The following CHD7 variants were observed in gnomAD, a reference collection of about 807,000 sequenced individuals.
The protein encoded by CHD7 is ATP-dependent chromatin remodeler CHD7.
Under a neutral mutation model 307.3 loss-of-function variants are expected in CHD7, and 24 were observed. That is an observed-to-expected ratio of 0.08 (90% CI 0.06 to 0.11). CHD7 has a LOEUF of 0.11. Among genes scored for constraint, CHD7 ranks in the 10% least tolerant of loss-of-function variants. The pLI, the probability that CHD7 is intolerant of heterozygous loss-of-function variation, is 1.00. For synonymous variants in CHD7, 1,363 were observed against 1,349.9 expected (o/e 1.01, Z -0.21); for missense variants, 3,106 against 3,727.1 (o/e 0.83, Z 4.34).
intron 1 of CHD7, among the ~76,000 whole-genome samples, chr8:60,735,872 C>T (rs986421746): frequency 3.3e-5 from 5 of 152,242 alleles, no homozygotes; most frequent in Non-Finnish European, 7.3e-5. Flanking sequence ...CCACCAACCA[C>T]ATGTGGCTTT....
chr8:60,818,141 G>A (rs1032966909), intron 8 of CHD7, among the ~76,000 whole-genome samples: 6 of 152,116 alleles, frequency 3.9e-5, no homozygotes, highest in Admixed American at 1.3e-4. Context: ...AAGTGCACAC[G>A]CCCCCGTTTG....
chr8:60,728,884 A>G (rs546653803), intron 1 of CHD7, among the ~76,000 whole-genome samples: 77 of 152,308 alleles, frequency 5.1e-4, no homozygotes, highest in African/African-American at 1.8e-3. Context: ...CTTATGTTAT[A>G]GGGGTTTGTT....
chr8:60,830,952 G>C (rs1434712150), intron 15 of CHD7, among the ~76,000 whole-genome samples: 6 of 152,158 alleles, frequency 3.9e-5, no homozygotes, highest in Non-Finnish European at 7.4e-5. Flanking sequence ...GAGGAACTTA[G>C]GTGTGAGCAG....
At chr8:60,741,203 G>T in intron 1 of CHD7, 56 bp from the exon 2 acceptor site, 1 of 533,948 alleles carries the variant, frequency 1.9e-6, no homozygotes, top group Non-Finnish European at 3.3e-6. Context: ...TTTTATCATT[G>T]GATCCTAATT....
At chr8:60,766,091 A>G (rs1200446800) in intron 2 of CHD7, among the ~76,000 whole-genome samples, 3 of 152,278 alleles carry the variant, frequency 2.0e-5, no homozygotes, top group Non-Finnish European at 4.4e-5. Context: ...TCATTCACCT[A>G]GAACTAACAG....
At chr8:60,828,119 A>T (rs1174159180) in intron 13 of CHD7, among the ~76,000 whole-genome samples, 1 of 152,106 alleles carries the variant, frequency 6.6e-6, no homozygotes, top group Non-Finnish European at 1.5e-5. Context: ...GCATCTGATT[A>T]AAAAAAAGTG....
chr8:60,766,827 G>A (rs11987723), intron 2 of CHD7, among the ~76,000 whole-genome samples: 238 of 152,308 alleles, frequency 1.6e-3, no homozygotes, highest in African/African-American at 5.7e-3. Context: ...CAGCTGAATA[G>A]AGAAGTCTAG....
chr8:60,773,625 T>G (rs1362360713), intron 2 of CHD7, among the ~76,000 whole-genome samples: 2 of 152,148 alleles, frequency 1.3e-5, no homozygotes, highest in Non-Finnish European at 2.9e-5. Flanking sequence ...AAAACTGGCT[T>G]AGTTACAGTC....
At chr8:60,693,522 G>C (rs1302844570) in intron 1 of CHD7, among the ~76,000 whole-genome samples, 1 of 152,198 alleles carries the variant, frequency 6.6e-6, no homozygotes, top group East Asian at 1.9e-4. Context: ...CAGGCTCCCT[G>C]TCTTGGGCAG....
At chr8:60,776,975 A>G (rs189134744) in intron 2 of CHD7, among the ~76,000 whole-genome samples, 75 of 152,316 alleles carry the variant, frequency 4.9e-4, no homozygotes, top group Non-Finnish European at 1.3e-4. Context: ...TGAGCCATTT[A>G]AGCAATAGTT....
intron 1 of CHD7, among the ~76,000 whole-genome samples, chr8:60,705,886 C>T (rs1323868840): frequency 6.6e-6 from 1 of 151,988 alleles, no homozygotes; most frequent in Non-Finnish European, 1.5e-5. Flanking sequence ...TATTGCTTAC[C>T]AGGCATTTTA....
At chr8:60,836,409 C>A in intron 16 of CHD7, 126 bp downstream of exon 16, 2 of 725,364 alleles carry the variant, frequency 2.8e-6, no homozygotes, top group Non-Finnish European at 2.2e-6. Flanking sequence ...CATCACATGT[C>A]ATTTTTAAAA....
At position 60,853,313 on chromosome 8, in the gene CHD7, C is replaced by T. The variant is rs746103884; in HGVS notation, c.6588C>T (p.Thr2196=). Residue 2196 remains threonine, a synonymous_variant, in exon 31 of 38, where the codon ACC becomes ACT. Transcript: ENST00000423902. ...KCEGKEEEEE[T]DGSGKESKQE... ...AGGGCAAAGAAGAGGAAGAAGAAAC[C>T]GATGGCAGCGGGAAGGAGAGCAAGC... is the stretch of plus-strand genomic sequence containing the variant. The T allele has an allele frequency of 1.9e-5, 31 of 1,603,132 alleles. 1 individual carries two copies. In the South Asian group the frequency reaches 2.1e-4, roughly 11 times the overall value.
chr8:60,718,785 C>CCACTCACT (rs140849935), intron 1 of CHD7, among the ~76,000 whole-genome samples: 2 of 151,994 alleles, frequency 1.3e-5, no homozygotes. Context: ...TATTCATTCA[C>CCACTCACT]CACTCACTCA....
intron 7 of CHD7, among the ~76,000 whole-genome samples, chr8:60,813,084 A>G (rs1361886002): frequency 6.6e-6 from 1 of 152,148 alleles, no homozygotes; most frequent in Non-Finnish European, 1.5e-5. Context: ...GTGTCTTGTA[A>G]GAGTTTTAAA....
intron 1 of CHD7, among the ~76,000 whole-genome samples, chr8:60,728,051 TC>T (rs1000009717): frequency 6.6e-6 from 1 of 152,234 alleles, no homozygotes; most frequent in Non-Finnish European, 1.5e-5. Context: ...GAACTGGTCT[TC>T]CAGGCTCCAG....
intron 2 of CHD7, among the ~76,000 whole-genome samples, chr8:60,777,455 A>G (rs1811003165): frequency 6.6e-6 from 1 of 152,228 alleles, no homozygotes; most frequent in African/African-American, 2.4e-5. Flanking sequence ...ATGCTGATGA[A>G]TTGTGGAAGA....
At chr8:60,797,073 T>C (rs1812069311) in intron 4 of CHD7, among the ~76,000 whole-genome samples, 2 of 152,218 alleles carry the variant, frequency 1.3e-5, no homozygotes, top group Non-Finnish European at 2.9e-5. Flanking sequence ...TTTTGAATTA[T>C]GGTTTAAAGG....
At chr8:60,816,271 A>C in intron 7 of CHD7, 116 bp from the exon 8 acceptor site, 2 of 639,734 alleles carry the variant, frequency 3.1e-6, no homozygotes, top group South Asian at 1.9e-5. Flanking sequence ...CAGCAGCCTT[A>C]ATGGGTAATT....
Sources: allele counts gnomAD v4.1 joint callset (sites outside exome capture counted in the v4.1 genomes callset), GRCh38; gene constraint gnomAD v4.1.1; transcripts MANE v1.5; gene names NCBI Gene and HGNC (gene_info 2026-07-23, HGNC 2026-07-21).